Variants in DEF8 observed in about 807,000 individuals in gnomAD.
The protein encoded by DEF8 is DEF-8.
DEF8 carries 38 observed loss-of-function variants against 59.1 expected under a neutral mutation model. The ratio of observed to expected loss-of-function variants is 0.64; its 90% CI spans 0.50 to 0.84. The LOEUF is 0.84. DEF8 is among the 40% of genes least tolerant of loss of function. The pLI is 0.00. For missense variants in DEF8, 557 were observed against 615.2 expected (o/e 0.91, Z 1.00); for synonymous variants, 265 against 250.1 (o/e 1.06, Z -0.56).
intron 12 of DEF8, 38 bp downstream of exon 12, chr16:89,964,613 C>T (rs1555635906): frequency 6.7e-7 from 1 of 1,488,142 alleles, no homozygotes; most frequent in Non-Finnish European, 9.1e-7. Flanking sequence ...GGGGCTGGGG[C>T]TCTGCGCTGT....
chr16:89,961,995 C>A lies in DEF8; in HGVS notation c.808-17C>A, dbSNP rs919944666. 1.9e-6 allele frequency: 3 copies of A among 1,613,238 alleles called. No individual in the cohort carries two copies. Among genetic ancestry groups the A allele is most frequent in the Admixed American group, 1.7e-5 (1 of 59,982 alleles). ...CCTGGGTGGGTGTGAGAGGTGTCAC[C>A]CGGCCGTGCCTGGCAGGTTTCTCGC... On this transcript the variant is annotated splice_polypyrimidine_tract_variant and intron_variant, in intron 8 of 12. Coordinates refer to ENST00000563594, the MANE Select transcript of DEF8 (RefSeq NM_001242818.2).
Position 89,957,499 on chromosome 16 carries a change from C to T in DEF8, c.223-12C>T, listed in dbSNP as rs867935630. The stretch of plus-strand genomic sequence containing the variant: ...ATGGGCCTTTGACTGCCCCCGCCCC[C>T]AACCTGGGCAGGGTCTGTTCCTGGC... On this transcript the variant is annotated splice_polypyrimidine_tract_variant and intron_variant, in intron 4 of 12. Coordinates refer to ENST00000563594, the MANE Select transcript of DEF8 (RefSeq NM_001242818.2). 5 of 1,574,014 alleles carry T rather than the reference C, an allele frequency of 3.2e-6. No homozygotes were observed. Among genetic ancestry groups the T allele is most frequent in the African/African-American group, 2.7e-5 (2 of 74,142 alleles).
rs2033433459 is a variant in DEF8 at position 89,957,666 on chromosome 16, T to TGTGGGGCCGCCCCGCC, written c.372+14_372+29dup. ...TGAAGCTCCAGGAGCTGAAGGTGGG[T>TGTGGGGCCGCCCCGCC]GTGGGGCCGCCCCGCCGTGGGGCAG... is the stretch of plus-strand genomic sequence containing the variant. On this transcript the variant is annotated splice_region_variant and intron_variant, in intron 5 of 12. Transcript: ENST00000563594. 6.5e-7 allele frequency: 1 copy of TGTGGGGCCGCCCCGCC among 1,546,714 alleles called. No homozygotes were observed. Among genetic ancestry groups the TGTGGGGCCGCCCCGCC allele is most frequent in the Non-Finnish European group, 8.7e-7 (1 of 1,144,150 alleles).
chr16:89,955,934 G>C (rs915152746), intron 4 of DEF8, among the ~76,000 whole-genome samples: 1 of 151,924 alleles, frequency 6.6e-6, no homozygotes, highest in South Asian at 2.1e-4. Flanking sequence ...TCAGCCGGGC[G>C]TGGTGGCACA....
At chr16:89,949,079 A>ACGGGGTCGGCGGGGT (rs2031398763) in intron 1 of DEF8, among the ~76,000 whole-genome samples, 5 of 34,014 alleles carry the variant, frequency 1.5e-4, no homozygotes, top group Admixed American at 6.1e-4. Flanking sequence ...GCCGGCGGGG[A>ACGGGGTCGGCGGGGT]CGGGGCCGGC....
chr16:89,961,142 G>A (rs367735019), intron 7 of DEF8, 47 bp downstream of exon 7: 13 of 1,585,448 alleles, frequency 8.2e-6, no homozygotes, highest in African/African-American at 8.1e-5. Context: ...TGTTCCTGGC[G>A]GGGAGCCGGG....
intron 5 of DEF8, among the ~76,000 whole-genome samples, chr16:89,958,769 C>T (rs1032884745): frequency 2.6e-5 from 4 of 152,170 alleles, no homozygotes; most frequent in East Asian, 1.9e-4. Context: ...CACAGCCCCT[C>T]GCTGCAAGGG....
rs2034679433 is a variant in DEF8 at position 89,967,733 on chromosome 16, TAATCA to T, written c.*1772_*1776del. 1 of 357,912 alleles carries T rather than the reference TAATCA, an allele frequency of 2.8e-6. No individual in the cohort carries two copies. Among genetic ancestry groups the T allele is most frequent in the Non-Finnish European group, 5.0e-6 (1 of 200,724 alleles). 22.2% of individuals were successfully genotyped at this position (357,912 alleles called of 1,614,324 possible). On this transcript the variant is annotated 3_prime_UTR_variant, in exon 13 of 13. Transcript: ENST00000563594. ...GATATTAGCCATTCCGAAATCTGTG[TAATCA>T]ACTTCACATTATTCAAGTTACAAAT... is the stretch of plus-strand genomic sequence containing the variant.
intron 6 of DEF8, among the ~76,000 whole-genome samples, chr16:89,959,585 C>G (rs914268319): frequency 1.3e-5 from 2 of 152,254 alleles, no homozygotes; most frequent in Non-Finnish European, 2.9e-5. Context: ...AGCTCCACCT[C>G]CCGGGTTCAC....
chr16:89,953,639 T>G (rs1380136974), intron 2 of DEF8, among the ~76,000 whole-genome samples: 1 of 152,168 alleles, frequency 6.6e-6, no homozygotes, highest in African/African-American at 2.4e-5. Flanking sequence ...CAAGATCCCC[T>G]GCTCCTGGGC....
chr16:89,959,104 A>T lies in DEF8; in HGVS notation c.463A>T (p.Lys155Ter). The change falls in exon 6 of 13, where the codon AAG becomes TAG. Residue 155 changes from lysine to a stop codon, truncating the protein, a stop_gained. Coordinates refer to ENST00000563594, the MANE Select transcript of DEF8 (RefSeq NM_001242818.2). LOFTEE classifies it high-confidence loss of function. ...CAAGAGCGTCAAGCAGACCTGTGAC[A>T]AGTGTAACACCATCATCTGGGGGCT... ...KSKSVKQTCD[K>*]CNTIIWGLIQ... 1 of 1,613,930 alleles carries T rather than the reference A, an allele frequency of 6.2e-7. No individual in the cohort carries two copies. Among genetic ancestry groups the T allele is most frequent in the Non-Finnish European group, 8.5e-7 (1 of 1,180,024 alleles).
Position 89,954,582 on chromosome 16 carries a change from T to A in DEF8, c.124+206T>A, listed in dbSNP as rs924583682. Reference sequence around the variant, plus strand: ...AGAATTCACATTCCTGAGGGCAAGATTTGTGCCTGACCCATCACTGCTGCA... The same window carrying A: ...AGAATTCACATTCCTGAGGGCAAGAATTGTGCCTGACCCATCACTGCTGCA... On this transcript the variant is annotated intron_variant, in intron 3 of 12. Coordinates refer to ENST00000563594, the MANE Select transcript of DEF8 (RefSeq NM_001242818.2). The surrounding 1 kb of genome is among the most constrained non-coding windows in gnomAD (Gnocchi z 4.3). 6.6e-6 allele frequency among the ~76,000 whole-genome samples: 1 copy of A among 152,182 alleles called. No individual in the cohort carries two copies. Among genetic ancestry groups the A allele is most frequent in the African/African-American group, 2.4e-5 (1 of 41,446 alleles).
intron 4 of DEF8, among the ~76,000 whole-genome samples, chr16:89,955,805 G>A (rs1316289698): frequency 6.6e-6 from 1 of 152,230 alleles, no homozygotes; most frequent in Non-Finnish European, 1.5e-5. Context: ...GGGCGCGGTG[G>A]CTCACGCCTG....
intron 2 of DEF8, among the ~76,000 whole-genome samples, chr16:89,952,139 T>A (rs926602093): frequency 3.9e-5 from 6 of 152,060 alleles, no homozygotes; most frequent in African/African-American, 9.7e-5. Flanking sequence ...GGCCTCCCAA[T>A]GTGCTGGGAT....
intron 10 of DEF8, 26 bp from the exon 11 acceptor site, chr16:89,964,144 G>T (rs1283791394): frequency 6.2e-7 from 1 of 1,613,962 alleles, no homozygotes; most frequent in Non-Finnish European, 8.5e-7. Flanking sequence ...CCGGTGCAGG[G>T]CGTCACGGCT....
rs1304611394 is a variant in DEF8, at chr16:89,949,437, A to G, written c.-87A>G. ...TGCAGCAGGTGCCGAACCCACGGCCAGGCTTCCGTGGCCAGCAGCCCTAGA... is the reference window on the plus strand; with the variant it reads ...TGCAGCAGGTGCCGAACCCACGGCCGGGCTTCCGTGGCCAGCAGCCCTAGA... On this transcript the variant is annotated 5_prime_UTR_variant, in exon 2 of 13. Transcript: ENST00000563594. 1 of 1,608,056 alleles carries G rather than the reference A, an allele frequency of 6.2e-7. No individual in the cohort carries two copies. The highest frequency in any genetic ancestry group is 8.5e-7 in the Non-Finnish European group (1 of 1,178,624).
In DEF8 at chr16:89,964,325, G is replaced by A. The variant is rs554216701; in HGVS notation, c.1143+15G>A. On this transcript the variant is annotated intron_variant, in intron 11 of 12. Transcript: ENST00000563594. ...TGGACTGCGAGGTGGGCCTCTGCCC[G>A]AGGGCCGCTCTTCTCCAACCCCAGC... The A allele has an allele frequency of 1.5e-5, 23 of 1,570,944 alleles. No homozygotes were observed. Among genetic ancestry groups the A allele is most frequent in the South Asian group, 4.7e-5 (4 of 85,778 alleles).
intron 6 of DEF8, among the ~76,000 whole-genome samples, chr16:89,960,352 A>C (rs149946024): frequency 1.0e-3 from 155 of 152,050 alleles, no homozygotes; most frequent in African/African-American, 3.4e-3. Context: ...AACAGATTAG[A>C]AAATAGTCTG....
chr16:89,957,880 A>T, intron 5 of DEF8: 1 of 470,032 alleles, frequency 2.1e-6, no homozygotes, highest in Non-Finnish European at 3.7e-6. Flanking sequence ...GTTGCAAGGA[A>T]CAGAAACTCA....
Sources: allele counts gnomAD v4.1 joint callset (sites outside exome capture counted in the v4.1 genomes callset), GRCh38; gene constraint gnomAD v4.1.1; non-coding constraint Gnocchi (gnomAD v3.1); transcripts MANE v1.5; gene names NCBI Gene and HGNC (gene_info 2026-07-23, HGNC 2026-07-21).